Variants in LUZP2 observed in about 807,000 individuals in gnomAD.
The protein encoded by LUZP2 is leucine zipper protein 2.
LUZP2 carries 52 observed loss-of-function variants against 51.6 expected under a neutral mutation model. That is an observed-to-expected ratio of 1.01 (90% CI 0.81 to 1.27). The LOEUF (loss-of-function observed/expected upper bound fraction) is 1.27, where lower values mean the gene tolerates loss of function less well. Among genes scored for constraint, LUZP2 ranks in the 50% most tolerant of loss-of-function variants. The probability of loss-of-function intolerance (pLI) is 0.00; values close to 1 mark genes in which losing one functional copy is unlikely to be tolerated. For synonymous variants in LUZP2, 154 were observed against 137.3 expected, an observed-to-expected ratio of 1.12 and a Z score of -0.85; for missense variants, 436 against 395.4, an observed-to-expected ratio of 1.10 and a Z score of -0.87.
At chr11:24,719,372 G>C (rs957523493) in intron 1 of LUZP2, among the ~76,000 whole-genome samples, 20 of 152,100 alleles carry the variant, frequency 1.3e-4, no homozygotes, top group African/African-American at 4.8e-4. Flanking sequence ...TTAAATCATG[G>C]CCCCAAAATA....
intron 5 of LUZP2, among the ~76,000 whole-genome samples, chr11:24,836,663 A>T (rs996893340): frequency 6.6e-6 from 1 of 151,918 alleles, no homozygotes; most frequent in African/African-American, 2.4e-5. Flanking sequence ...GAGATACTAC[A>T]CAAGGGAACT....
intron 8 of LUZP2, among the ~76,000 whole-genome samples, chr11:24,981,525 A>AC (rs1856029094): frequency 1.3e-5 from 2 of 151,610 alleles, no homozygotes; most frequent in Admixed American, 1.3e-4. Context: ...CTCTTATCTC[A>AC]CCCTGTGACT....
At chr11:24,653,699 G>A (rs1409179438) in intron 1 of LUZP2, among the ~76,000 whole-genome samples, 2 of 152,114 alleles carry the variant, frequency 1.3e-5, no homozygotes, top group Admixed American at 1.3e-4. Flanking sequence ...GAGGATGTGA[G>A]AAGAAAATAC....
chr11:24,781,740 C>T (rs1004319419), intron 5 of LUZP2, among the ~76,000 whole-genome samples: 2 of 151,820 alleles, frequency 1.3e-5, no homozygotes, highest in Admixed American at 6.6e-5. Context: ...CATTAGGAAC[C>T]CTTCTGCCTC....
At chr11:24,759,836 A>C (rs1859916981) in intron 4 of LUZP2, among the ~76,000 whole-genome samples, 1 of 152,168 alleles carries the variant, frequency 6.6e-6, no homozygotes, top group African/African-American at 2.4e-5. Context: ...AAAGTATCTG[A>C]GACAGATCTC....
intron 10 of LUZP2, among the ~76,000 whole-genome samples, chr11:25,055,147 A>T (rs796127046): frequency 2.6e-5 from 4 of 150,964 alleles, no homozygotes; most frequent in African/African-American, 9.7e-5. Context: ...AGTAGCTGGG[A>T]CTACAGGTGC....
chr11:24,983,608 T>C (rs780380989), intron 9 of LUZP2, among the ~76,000 whole-genome samples: 5 of 151,742 alleles, frequency 3.3e-5, no homozygotes, highest in Non-Finnish European at 7.4e-5. Context: ...GAAATAAACA[T>C]CACAGGTTTG....
chr11:24,736,892 C>T (rs1489867471), intron 3 of LUZP2, among the ~76,000 whole-genome samples: 1 of 152,004 alleles, frequency 6.6e-6, no homozygotes, highest in African/African-American at 2.4e-5. Flanking sequence ...ACCAAAGTGA[C>T]TGTAATTATT....
intron 1 of LUZP2, among the ~76,000 whole-genome samples, chr11:24,502,424 T>G (rs548734795): frequency 1.1e-4 from 16 of 151,368 alleles, no homozygotes; most frequent in Admixed American, 3.3e-4. Flanking sequence ...CTTGCTCTGT[T>G]GCCAGGCTGA....
intron 5 of LUZP2, among the ~76,000 whole-genome samples, chr11:24,869,879 C>T (rs542127273): frequency 6.6e-5 from 10 of 152,198 alleles, no homozygotes; most frequent in Non-Finnish European, 1.2e-4. Context: ...GGAATGTTTA[C>T]GCTTAGTGGG....
At chr11:24,506,972 A>G (rs1024569865) in intron 1 of LUZP2, among the ~76,000 whole-genome samples, 4 of 152,132 alleles carry the variant, frequency 2.6e-5, no homozygotes, top group Admixed American at 2.0e-4. Context: ...AAAGGACTGC[A>G]TGTTTTCAAT....
At chr11:24,727,766 T>C (rs1221612834) in intron 1 of LUZP2, among the ~76,000 whole-genome samples, 1 of 152,012 alleles carries the variant, frequency 6.6e-6, no homozygotes, top group East Asian at 1.9e-4. Context: ...GCGAGAATAT[T>C]GTGGTTCTTA....
intron 1 of LUZP2, among the ~76,000 whole-genome samples, chr11:24,672,814 T>C (rs1856439300): frequency 6.6e-6 from 1 of 152,174 alleles, no homozygotes; most frequent in African/African-American, 2.4e-5. Flanking sequence ...ATACTTTACG[T>C]CAGGGGTCCC....
intron 5 of LUZP2, among the ~76,000 whole-genome samples, chr11:24,896,381 G>GCAGC (rs1305859032): frequency 1.3e-5 from 2 of 152,170 alleles, no homozygotes; most frequent in Non-Finnish European, 2.9e-5. Context: ...CACACTTGGA[G>GCAGC]CAGCCAGCCG....
intron 1 of LUZP2, among the ~76,000 whole-genome samples, chr11:24,661,621 A>G (rs1266165649): frequency 6.6e-6 from 1 of 152,144 alleles, no homozygotes; most frequent in Non-Finnish European, 1.5e-5. Flanking sequence ...CACTGAGCTC[A>G]GTTTTTCTTT....
chr11:24,562,786 C>T (rs891717001), intron 1 of LUZP2, among the ~76,000 whole-genome samples: 4 of 150,308 alleles, frequency 2.7e-5, no homozygotes, highest in South Asian at 2.1e-4. Flanking sequence ...GGCATGAACC[C>T]GGGAGGCGAA....
intron 7 of LUZP2, among the ~76,000 whole-genome samples, chr11:24,925,734 T>A (rs1381142659): frequency 6.6e-6 from 1 of 152,032 alleles, no homozygotes; most frequent in Non-Finnish European, 1.5e-5. Context: ...TTTAATTATT[T>A]TTTTAATTTA....
intron 1 of LUZP2, among the ~76,000 whole-genome samples, chr11:24,563,864 T>C (rs1028809777): frequency 6.6e-6 from 1 of 152,150 alleles, no homozygotes; most frequent in African/African-American, 2.4e-5. Context: ...TAATTATGTG[T>C]TTTATAACTA....
intron 1 of LUZP2, among the ~76,000 whole-genome samples, chr11:24,529,993 C>G (rs756128476): frequency 2.0e-5 from 3 of 150,818 alleles, no homozygotes; most frequent in Non-Finnish European, 4.5e-5. Flanking sequence ...AAAATAAACA[C>G]TTCATTTTTA....
Sources: gnomAD v4.1 joint callset for allele counts (sites outside exome capture counted in the v4.1 genomes callset) on GRCh38, gnomAD v4.1.1 for gene constraint, MANE v1.5 for transcripts, NCBI Gene and HGNC (gene_info 2026-07-23, HGNC 2026-07-21) for gene names.